EML6: variants seen among roughly 807,000 people sequenced by gnomAD.
EML6 encodes the protein EMAP like 6.
In EML6, 154 loss-of-function variants were observed where a neutral mutation model predicts 240.1. That is an observed-to-expected ratio of 0.64 (90% CI 0.56 to 0.73). The LOEUF (loss-of-function observed/expected upper bound fraction) is 0.73, where lower values mean the gene tolerates loss of function less well. EML6 is among the 30% of genes least tolerant of loss of function. EML6 has a pLI of 0.00. For synonymous variants in EML6, 1,148 were observed against 899.0 expected, an observed-to-expected ratio of 1.28 and a Z score of -4.95; for missense variants, 2,964 against 2,474.6, an observed-to-expected ratio of 1.20 and a Z score of -4.20.
chr2:54,879,779 A>T, intron 17 of EML6, 139 bp downstream of exon 17: 2 of 634,268 alleles, frequency 3.2e-6, no homozygotes, highest in Non-Finnish European at 5.6e-6. Flanking sequence ...AAGTGAAAAA[A>T]TACTGCAGTA....
intron 24 of EML6, among the ~76,000 whole-genome samples, chr2:54,905,583 A>T (rs539158152): frequency 6.6e-6 from 1 of 152,334 alleles, no homozygotes; most frequent in East Asian, 1.9e-4. Flanking sequence ...TTAAGTGTAC[A>T]GTTCAAGGAC....
chr2:54,876,014 C>T (rs1221634946), intron 16 of EML6, among the ~76,000 whole-genome samples: 1 of 152,138 alleles, frequency 6.6e-6, no homozygotes, highest in African/African-American at 2.4e-5. Flanking sequence ...TCATAATTGT[C>T]TGAATAAAAC....
At chr2:54,819,451 C>G (rs550261885) in intron 4 of EML6, among the ~76,000 whole-genome samples, 7 of 152,220 alleles carry the variant, frequency 4.6e-5, no homozygotes, top group South Asian at 4.1e-4. Flanking sequence ...GGAAATAGAA[C>G]TACGTGCAAA....
chr2:54,964,157 A>G lies in EML6; in HGVS notation c.5329A>G (p.Arg1777Gly). The G allele has an allele frequency of 1.9e-6, 3 of 1,551,344 alleles. No individual in the cohort carries two copies. Among genetic ancestry groups the G allele is most frequent in the Non-Finnish European group, 2.6e-6 (3 of 1,146,784 alleles). Residue 1777 changes from arginine to glycine, a missense_variant and splice_region_variant, in exon 37 of 42, where the codon AGA becomes GGA. Arg to Gly is a moderately radical substitution (Grantham distance 125). Transcript: ENST00000356458. ...RDRKSAIQDI[R>G]ISPDNRFLAV... ...CCGGAAATCTGCTATCCAAGATATCAGGTACCTAAGTGGGTGGTCTGGGCA... is the reference window on the plus strand; with the variant it reads ...CCGGAAATCTGCTATCCAAGATATCGGGTACCTAAGTGGGTGGTCTGGGCA...
chr2:54,831,512 C>T (rs6735469), intron 7 of EML6, among the ~76,000 whole-genome samples: 27 of 152,176 alleles, frequency 1.8e-4, no homozygotes, highest in African/African-American at 4.6e-4. Flanking sequence ...TCAGCGACGC[C>T]CTCCGTTATA....
At chr2:54,824,136 T>C (rs1291939807) in intron 5 of EML6, among the ~76,000 whole-genome samples, 2 of 152,178 alleles carry the variant, frequency 1.3e-5, no homozygotes, top group East Asian at 1.9e-4. Context: ...TGCTGCTTAA[T>C]TGATAGAATT....
intron 12 of EML6, among the ~76,000 whole-genome samples, chr2:54,861,731 A>T (rs1161321679): frequency 2.0e-5 from 3 of 151,760 alleles, no homozygotes; most frequent in Non-Finnish European, 4.4e-5. Context: ...TCCTTCTCCT[A>T]TACAAGGCCA....
chr2:54,789,513 CAA>C (rs576842183), intron 2 of EML6, among the ~76,000 whole-genome samples: 34 of 77,876 alleles, frequency 4.4e-4, no homozygotes, highest in African/African-American at 1.1e-3. Context: ...GACTTCGTCT[CAA>C]AAAAAAAAAA....
intron 26 of EML6, among the ~76,000 whole-genome samples, chr2:54,924,612 A>T (rs990479222): frequency 3.9e-5 from 6 of 152,340 alleles, no homozygotes; most frequent in Admixed American, 2.6e-4. Context: ...CCCAGGCTGC[A>T]GTGCAATGGC....
Position 54,853,708 on chromosome 2 carries a change from A to G in EML6, c.1510A>G (p.Lys504Glu), listed in dbSNP as rs199689214. The G allele has an allele frequency of 2.2e-4, 338 of 1,551,100 alleles. No individual in the cohort carries two copies. Among genetic ancestry groups the G allele is most frequent in the Non-Finnish European group, 2.7e-4 (311 of 1,146,682 alleles). Residue 504 changes from lysine (K) to glutamate (E), a missense_variant, in exon 11 of 42, where the codon AAA becomes GAA. Transcript: ENST00000356458. ...GIPWASWTCV[K>E]GPEVSGIWPK... ...TCCTTGGGCCTCCTGGACATGCGTG[A>G]AAGGCCCTGAAGTGAGTGGAATTTG... is the stretch of plus-strand genomic sequence containing the variant.
chr2:54,739,645 C>CCA (rs1184456025), intron 2 of EML6, among the ~76,000 whole-genome samples: 2 of 152,224 alleles, frequency 1.3e-5, no homozygotes, highest in Admixed American at 6.5e-5. Flanking sequence ...GGGCAGGAGT[C>CCA]CACATATGCA....
At chr2:54,902,454 C>T (rs1008566440) in intron 22 of EML6, among the ~76,000 whole-genome samples, 4 of 152,168 alleles carry the variant, frequency 2.6e-5, no homozygotes, top group Non-Finnish European at 5.9e-5. Context: ...GTCTGGAGTG[C>T]CATGGCATGA....
intron 2 of EML6, among the ~76,000 whole-genome samples, chr2:54,752,724 T>C (rs1572857568): frequency 6.6e-6 from 1 of 152,244 alleles, no homozygotes; most frequent in Non-Finnish European, 1.5e-5. Flanking sequence ...ATAAATATAA[T>C]TTATTGTGTT....
intron 5 of EML6, among the ~76,000 whole-genome samples, chr2:54,826,819 A>C (rs766340826): frequency 3.9e-5 from 6 of 152,216 alleles, no homozygotes; most frequent in Non-Finnish European, 7.3e-5. Flanking sequence ...TAACATTTCT[A>C]CAATGAAGAT....
intron 28 of EML6, among the ~76,000 whole-genome samples, chr2:54,944,233 C>G (rs942606271): frequency 6.6e-6 from 1 of 152,148 alleles, no homozygotes; most frequent in African/African-American, 2.4e-5. Context: ...CACGGGTGTT[C>G]AAAGCTCAAC....
chr2:54,856,036 T>C (rs1670357639), intron 11 of EML6, among the ~76,000 whole-genome samples: 1 of 152,226 alleles, frequency 6.6e-6, no homozygotes, highest in Admixed American at 6.5e-5. Context: ...CACAACCAAG[T>C]TAATTTGACA....
chr2:54,921,638 A>T (rs1262376600), intron 26 of EML6, among the ~76,000 whole-genome samples: 5 of 152,182 alleles, frequency 3.3e-5, no homozygotes, highest in African/African-American at 1.2e-4. Flanking sequence ...CCCAAGAAAG[A>T]ATAAAGCTGG....
chr2:54,934,583 T>C (rs777650219), intron 28 of EML6, among the ~76,000 whole-genome samples: 3 of 152,142 alleles, frequency 2.0e-5, no homozygotes, highest in Non-Finnish European at 4.4e-5. Context: ...TGGGTCTGGC[T>C]CTGTTGCCCA....
chr2:54,795,991 G>A (rs530479247), intron 2 of EML6, among the ~76,000 whole-genome samples: 3 of 152,216 alleles, frequency 2.0e-5, no homozygotes, highest in African/African-American at 7.2e-5. Flanking sequence ...AAATCTAGAT[G>A]AGATGCTTTC....
Sources: gnomAD v4.1 joint callset for allele counts (sites outside exome capture counted in the v4.1 genomes callset) on GRCh38, gnomAD v4.1.1 for gene constraint, MANE v1.5 for transcripts, NCBI Gene and HGNC (gene_info 2026-07-23, HGNC 2026-07-21) for gene names.